NAV1: variants seen among roughly 807,000 people sequenced by gnomAD.
NAV1 encodes pore membrane and/or filament interacting like protein 3.
Under a neutral mutation model 175.2 loss-of-function variants are expected in NAV1, and 18 were observed. That is an observed-to-expected ratio of 0.10 (90% CI 0.07 to 0.15). The LOEUF (loss-of-function observed/expected upper bound fraction) is 0.15. Ranked by LOEUF, NAV1 falls within the 10% of genes least tolerant of loss-of-function variation. NAV1 has a pLI of 1.00. For missense variants in NAV1, 1,731 were observed against 2,436.6 expected, an observed-to-expected ratio of 0.71 and a Z score of 6.10; for synonymous variants, 897 against 978.7, an observed-to-expected ratio of 0.92 and a Z score of 1.56.
chr1:201,783,486 C>T, exon 7 of NAV1: 5 of 1,614,214 alleles, frequency 3.1e-6, no homozygotes, highest in Non-Finnish European at 4.2e-6. Context: ...GATCTACCAT[C>T]ATCCAGTGAT....
chr1:201,671,008 G>T (rs994833046), intron 1 of NAV1, among the ~76,000 whole-genome samples: 1 of 152,204 alleles, frequency 6.6e-6, no homozygotes, highest in Non-Finnish European at 1.5e-5. Context: ...AACTTCAGAG[G>T]CAAGGTTAGT....
In NAV1 at chr1:201,756,809, C is replaced by CTTCTTTCTTTCTTTCTTTCTCT. The variant is rs1558131299; in HGVS notation, c.1227-23592_1227-23591insCTTTCTTTCTTTCTTTCTTTCT. Among the ~76,000 whole-genome samples, 27 of 26,940 alleles carry CTTCTTTCTTTCTTTCTTTCTCT rather than the reference C, an allele frequency of 1.0e-3. 1 individual carries two copies. Among genetic ancestry groups the CTTCTTTCTTTCTTTCTTTCTCT allele is most frequent in the Admixed American group, 7.1e-3 (14 of 1,976 alleles). The allele number at this position is 26,940 out of a possible 152,430, so 17.7% of individuals were successfully genotyped here. A position where few individuals can be genotyped will look rare whatever the true frequency, so the allele number is the denominator to read the frequency against. The stretch of plus-strand genomic sequence containing the variant: ...ATGAGCAATTCTCTTTCTTTCTTTC[C>CTTCTTTCTTTCTTTCTTTCTCT]TTCTTTCTTTCTTTCTTTCTTTCTT... On this transcript the variant is annotated intron_variant, in intron 3 of 29. Transcript: ENST00000367296.
intron 1 of NAV1, among the ~76,000 whole-genome samples, chr1:201,555,714 G>A (rs1665989766): frequency 6.6e-6 from 1 of 152,040 alleles, no homozygotes; most frequent in Non-Finnish European, 1.5e-5. Context: ...GGAATCAAAA[G>A]GCCCTCTTCC....
chr1:201,722,305 T>C (rs1672418425), intron 3 of NAV1, among the ~76,000 whole-genome samples: 1 of 152,216 alleles, frequency 6.6e-6, no homozygotes, highest in African/African-American at 2.4e-5. Context: ...ACTTTTCGTC[T>C]CTATGAATTT....
chr1:201,763,536 A>G (rs1420186829), intron 3 of NAV1, among the ~76,000 whole-genome samples: 1 of 152,206 alleles, frequency 6.6e-6, no homozygotes, highest in African/African-American at 2.4e-5. Context: ...GGGGCAGACA[A>G]AAAGGGAAAT....
chr1:201,823,384 G>C (rs887234672), exon 30 of NAV1: 5 of 152,616 alleles, frequency 3.3e-5, no homozygotes, highest in Admixed American at 6.5e-5. Flanking sequence ...GTGTGTGTGT[G>C]TGTGTGTGTC....
intron 1 of NAV1, among the ~76,000 whole-genome samples, chr1:201,629,042 A>C (rs1424284870): frequency 6.6e-6 from 1 of 152,160 alleles, no homozygotes; most frequent in Non-Finnish European, 1.5e-5. Context: ...GCTCATCCTG[A>C]GGGCAAGGAT....
At chr1:201,590,335 G>A (rs1296367253) in intron 2 of NAV1, among the ~76,000 whole-genome samples, 2 of 152,182 alleles carry the variant, frequency 1.3e-5, no homozygotes, top group Non-Finnish European at 2.9e-5. Context: ...CCCTTCCAGG[G>A]TCCCACCCGC....
At chr1:201,591,811 G>C (rs552608942) in intron 2 of NAV1, among the ~76,000 whole-genome samples, 110 of 152,280 alleles carry the variant, frequency 7.2e-4, no homozygotes, top group Non-Finnish European at 1.0e-3. Flanking sequence ...TGAATCGTGA[G>C]ACAGGGAAAG....
At chr1:201,679,948 T>C (rs896131163) in intron 1 of NAV1, among the ~76,000 whole-genome samples, 9 of 152,356 alleles carry the variant, frequency 5.9e-5, no homozygotes, top group African/African-American at 2.2e-4. Flanking sequence ...AATGTACTCA[T>C]GGGAGTGTTT....
chr1:201,773,762 G>A lies in NAV1; in HGVS notation c.1227-6659G>A, dbSNP rs559521817. Among the ~76,000 whole-genome samples, 108 of 152,310 alleles carry A rather than the reference G, an allele frequency of 7.1e-4. 2 individuals carry two copies. The highest frequency in any genetic ancestry group is 1.1e-3 in the Non-Finnish European group (75 of 68,028). On this transcript the variant is annotated intron_variant, in intron 3 of 29. Transcript: ENST00000367296. ...CTAGATGATATGAGGAGAATAGTAAGTGGGAAAATAAGTATCCCATGGAGA... is the reference window on the plus strand; with the variant it reads ...CTAGATGATATGAGGAGAATAGTAAATGGGAAAATAAGTATCCCATGGAGA...
intron 2 of NAV1, among the ~76,000 whole-genome samples, chr1:201,614,756 A>G (rs906041393): frequency 2.6e-5 from 4 of 152,154 alleles, no homozygotes; most frequent in Non-Finnish European, 5.9e-5. Flanking sequence ...TAAGAAGCAC[A>G]ATGTCTGGAG....
upstream of NAV1, among the ~76,000 whole-genome samples, chr1:201,618,755 G>GTAC (rs942607948): frequency 6.6e-6 from 1 of 152,138 alleles, no homozygotes; most frequent in Non-Finnish European, 1.5e-5. Context: ...TGTGAAAGGG[G>GTAC]TACTAAAACT....
At chr1:201,803,233 T>C (rs561259871) in intron 15 of NAV1, among the ~76,000 whole-genome samples, 31 of 152,146 alleles carry the variant, frequency 2.0e-4, no homozygotes, top group Non-Finnish European at 4.4e-4. Context: ...ACCAGATAGC[T>C]AAGTATTGCT....
intron 2 of NAV1, among the ~76,000 whole-genome samples, chr1:201,616,706 C>G (rs572458694): frequency 6.6e-6 from 1 of 152,144 alleles, no homozygotes; most frequent in African/African-American, 2.4e-5. Context: ...AGGCTGGTCT[C>G]GAACTCCTGA....
intron 15 of NAV1, chr1:201,797,147 A>C (rs893974594): frequency 2.6e-5 from 4 of 152,002 alleles, no homozygotes; most frequent in African/African-American, 9.7e-5. Context: ...TTTTTAGTAA[A>C]TTTTTGTACA....
upstream of NAV1, among the ~76,000 whole-genome samples, chr1:201,620,797 G>A (rs1340937591): frequency 1.3e-5 from 2 of 151,852 alleles, no homozygotes; most frequent in South Asian, 2.1e-4. Context: ...ACCAACACTG[G>A]ATATTTTAAT....
chr1:201,752,595 G>A (rs1308163654), intron 3 of NAV1, among the ~76,000 whole-genome samples: 1 of 151,190 alleles, frequency 6.6e-6, no homozygotes, highest in Non-Finnish European at 1.5e-5. Context: ...AGAAGGTAAC[G>A]GATTACAGCT....
At chr1:201,777,169 G>C (rs897488129) in intron 3 of NAV1, among the ~76,000 whole-genome samples, 4 of 152,188 alleles carry the variant, frequency 2.6e-5, no homozygotes, top group Non-Finnish European at 4.4e-5. Context: ...ACTGGAAGAG[G>C]TACTTCACTG....
Sources: gnomAD v4.1 joint callset for allele counts (sites outside exome capture counted in the v4.1 genomes callset) on GRCh38, gnomAD v4.1.1 for gene constraint, MANE v1.5 for transcripts, NCBI Gene and HGNC (gene_info 2026-07-23, HGNC 2026-07-21) for gene names.